KDM2A: variants seen among roughly 807,000 people sequenced by gnomAD.
The protein encoded by KDM2A is lysine-specific demethylase 2A.
KDM2A carries 3 observed loss-of-function variants against 137.3 expected under a neutral mutation model. That is an observed-to-expected ratio of 0.02 (90% CI 0.01 to 0.06). The LOEUF is 0.06. Among genes scored for constraint, KDM2A ranks in the 10% least tolerant of loss-of-function variants. The probability of loss-of-function intolerance (pLI) is 1.00; values close to 1 mark genes in which losing one functional copy is unlikely to be tolerated. For synonymous variants in KDM2A, 512 were observed against 541.5 expected (o/e 0.95, Z 0.76); for missense variants, 738 against 1,510.6 (o/e 0.49, Z 8.48).
intron 2 of KDM2A, among the ~76,000 whole-genome samples, chr11:67,162,671 G>A (rs1159749586): frequency 6.6e-6 from 1 of 151,988 alleles, no homozygotes; most frequent in Admixed American, 6.6e-5. Context: ...CTCCCAAAGT[G>A]CTGGGATTAC....
intron 18 of KDM2A, among the ~76,000 whole-genome samples, chr11:67,253,073 A>G (rs1487364937): frequency 6.6e-6 from 1 of 152,238 alleles, no homozygotes; most frequent in East Asian, 1.9e-4. Context: ...TGCAATGGAC[A>G]GCAAAGAGAA....
At chr11:67,165,286 C>G (rs538736354) in intron 2 of KDM2A, among the ~76,000 whole-genome samples, 154 of 152,120 alleles carry the variant, frequency 1.0e-3, no homozygotes, top group African/African-American at 3.6e-3. Context: ...CCACACCTGG[C>G]TAATTTTGTA....
intron 7 of KDM2A, 171 bp downstream of exon 7, chr11:67,215,617 A>G (rs1590793950): frequency 4.8e-6 from 3 of 620,416 alleles, no homozygotes; most frequent in South Asian, 2.0e-5. Context: ...TGAGCATACC[A>G]TAGCACACAA....
intron 2 of KDM2A, among the ~76,000 whole-genome samples, chr11:67,149,734 T>C (rs1346636359): frequency 6.6e-6 from 1 of 151,800 alleles, no homozygotes; most frequent in Admixed American, 6.6e-5. Context: ...TTTTTTTTTT[T>C]TTTTTGACAG....
intron 2 of KDM2A, among the ~76,000 whole-genome samples, chr11:67,168,860 C>T (rs140960667): frequency 0.015 from 2,247 of 151,582 alleles, 32 homozygotes; most frequent in Admixed American, 0.039. Context: ...TTGCTTTTTC[C>T]TTTAAAATGT....
intron 2 of KDM2A, among the ~76,000 whole-genome samples, chr11:67,134,990 CA>C (rs1481522084): frequency 6.6e-6 from 1 of 152,112 alleles, no homozygotes; most frequent in East Asian, 1.9e-4. Context: ...TTAACATACG[CA>C]AAGATCAACT....
chr11:67,173,282 G>A (rs374586437), intron 2 of KDM2A, among the ~76,000 whole-genome samples: 5 of 152,106 alleles, frequency 3.3e-5, no homozygotes, highest in South Asian at 2.1e-4. Flanking sequence ...GCCACCATGC[G>A]TGGCTAATTT....
Position 67,125,507 on chromosome 11 carries a change from C to G in KDM2A, c.42+4149C>G, listed in dbSNP as rs150071315. ...TAGTTAAGGACTGGGTGTGGTGGCT[C>G]ACACCTGAAATCCCATCACTTTGGG... On this transcript the variant is annotated intron_variant, in intron 2 of 20. Transcript: ENST00000529006. Among the ~76,000 whole-genome samples the G allele has an allele frequency of 2.0e-5, 3 of 152,054 alleles. No homozygotes were observed. In the East Asian group the frequency reaches 5.8e-4, roughly 30 times the overall value.
intron 15 of KDM2A, among the ~76,000 whole-genome samples, chr11:67,247,076 T>TATATAA (rs1565424329): frequency 7.1e-5 from 5 of 70,610 alleles, no homozygotes; most frequent in African/African-American, 2.7e-4. Flanking sequence ...TATATATTTT[T>TATATAA]TTTTTTTTTT....
At chr11:67,152,905 AGTGTGT>A (rs146532672) in intron 2 of KDM2A, among the ~76,000 whole-genome samples, 2,435 of 142,660 alleles carry the variant, frequency 0.017, 34 homozygotes, top group African/African-American at 0.036. Flanking sequence ...ACAGTGCCAG[AGTGTGT>A]GTGTGTGTGT....
chr11:67,251,651 C>G (rs1032424056), intron 17 of KDM2A, among the ~76,000 whole-genome samples: 5 of 152,170 alleles, frequency 3.3e-5, no homozygotes, highest in African/African-American at 1.2e-4. Context: ...TGGGTGGGCC[C>G]AGCAGTCTGC....
At chr11:67,125,471 T>C (rs1855699832) in intron 2 of KDM2A, among the ~76,000 whole-genome samples, 1 of 151,466 alleles carries the variant, frequency 6.6e-6, no homozygotes. Context: ...GAAAAAAAAA[T>C]CAGAAATAAC....
intron 2 of KDM2A, among the ~76,000 whole-genome samples, chr11:67,167,001 C>T (rs547239561): frequency 1.3e-5 from 2 of 152,232 alleles, no homozygotes; most frequent in South Asian, 2.1e-4. Flanking sequence ...TCACTTGAAC[C>T]TGGGAGACGG....
intron 2 of KDM2A, among the ~76,000 whole-genome samples, chr11:67,143,669 A>G (rs1856175658): frequency 6.6e-6 from 1 of 151,410 alleles, no homozygotes; most frequent in Non-Finnish European, 1.5e-5. Context: ...GTCTCACTCC[A>G]TCTCCCAGGC....
rs146532672 is a variant in KDM2A, at chr11:67,152,905, A to AGT, written c.43-27127_43-27126dup. Reference sequence around the variant, plus strand: ...TGAGACTATAGGATTACAGTGCCAGAGTGTGTGTGTGTGTGTGTGTGTGTG... The same window carrying AGT: ...TGAGACTATAGGATTACAGTGCCAGAGTGTGTGTGTGTGTGTGTGTGTGTGTG... On this transcript the variant is annotated intron_variant, in intron 2 of 20. Coordinates refer to ENST00000529006, the MANE Select transcript of KDM2A (RefSeq NM_012308.3). Among the ~76,000 whole-genome samples, 321 of 142,696 alleles carry AGT rather than the reference A, an allele frequency of 2.2e-3. 1 individual carries two copies. The highest frequency in any genetic ancestry group is 6.6e-3 in the African/African-American group (254 of 38,450). 93.6% of individuals were successfully genotyped at this position (142,696 alleles called of 152,430 possible).
intron 12 of KDM2A, among the ~76,000 whole-genome samples, chr11:67,233,232 AG>A (rs1286977394): frequency 1.3e-5 from 2 of 151,394 alleles, no homozygotes; most frequent in Non-Finnish European, 2.9e-5. Context: ...TTATAAATTT[AG>A]GGGGGCCAGG....
intron 5 of KDM2A, among the ~76,000 whole-genome samples, chr11:67,203,374 A>G (rs1857700058): frequency 6.6e-6 from 1 of 150,968 alleles, no homozygotes; most frequent in African/African-American, 2.4e-5. Context: ...TCTCCAAGAT[A>G]TGGTTATACT....
In KDM2A at chr11:67,255,671, G is replaced by C. The variant is rs558445942; in HGVS notation, c.*616G>C. ...TTGAGCTTGGTTCTGCCCAGCACTCGTGCTTGTTCACATAATTAGGTTTCC... is the reference window on the plus strand; with the variant it reads ...TTGAGCTTGGTTCTGCCCAGCACTCCTGCTTGTTCACATAATTAGGTTTCC... On this transcript the variant is annotated 3_prime_UTR_variant, in exon 21 of 21. Coordinates refer to ENST00000529006, the MANE Select transcript of KDM2A (RefSeq NM_012308.3). The C allele has an allele frequency of 1.2e-5, 5 of 423,838 alleles. No homozygotes were observed. Among genetic ancestry groups the C allele is most frequent in the African/African-American group, 6.1e-5 (3 of 49,054 alleles). 26.3% of individuals were successfully genotyped at this position (423,838 alleles called of 1,614,324 possible).
intron 5 of KDM2A, among the ~76,000 whole-genome samples, chr11:67,182,166 A>G (rs1857104254): frequency 6.6e-6 from 1 of 152,088 alleles, no homozygotes; most frequent in South Asian, 2.1e-4. Flanking sequence ...AACCTTTCCA[A>G]GAAACCGAAA....
Sources: allele counts gnomAD v4.1 joint callset (sites outside exome capture counted in the v4.1 genomes callset), GRCh38; gene constraint gnomAD v4.1.1; transcripts MANE v1.5; gene names NCBI Gene and HGNC (gene_info 2026-07-23, HGNC 2026-07-21).